The following SOX5 variants were observed in gnomAD, a reference collection of about 807,000 sequenced individuals.
SOX5 encodes SRY-box transcription factor 5.
SOX5 carries 9 observed loss-of-function variants against 92.0 expected under a neutral mutation model. The observed-to-expected ratio is 0.10, with a 90% CI of 0.06 to 0.17. The LOEUF (loss-of-function observed/expected upper bound fraction) is 0.17. Among genes scored for constraint, SOX5 ranks in the 10% least tolerant of loss-of-function variants. The pLI is 1.00. For missense variants in SOX5, 642 were observed against 944.5 expected (o/e 0.68, Z 4.20); for synonymous variants, 344 against 336.3 (o/e 1.02, Z -0.25).
chr12:23,734,481 T>C (rs1313504066), intron 6 of SOX5, among the ~76,000 whole-genome samples: 1 of 152,144 alleles, frequency 6.6e-6, no homozygotes, highest in East Asian at 1.9e-4. Context: ...TTAGCTTGCT[T>C]AGATTGAAGC....
chr12:24,058,796 T>TATAAATAAATAA (rs71059969), intron 4 of SOX5, among the ~76,000 whole-genome samples: 2 of 151,196 alleles, frequency 1.3e-5, no homozygotes, highest in South Asian at 2.1e-4. Flanking sequence ...TTAGTAAGTA[T>TATAAATAAATAA]ATAAATAAAT....
chr12:24,347,768 T>C (rs1014880012), intron 2 of SOX5, among the ~76,000 whole-genome samples: 4 of 152,228 alleles, frequency 2.6e-5, no homozygotes, highest in African/African-American at 9.6e-5. Flanking sequence ...TTAAACTATC[T>C]GTCATGAATT....
chr12:23,829,099 C>T (rs2096275196), intron 3 of SOX5, among the ~76,000 whole-genome samples: 1 of 151,928 alleles, frequency 6.6e-6, no homozygotes, highest in African/African-American at 2.4e-5. Flanking sequence ...CATGCCTTTC[C>T]CATAAACAAC....
rs1555289051 is a variant in SOX5 at position 24,429,650 on chromosome 12, A to AC, written c.-250-61012dup. Among the ~76,000 whole-genome samples the AC allele has an allele frequency of 2.0e-5, 3 of 151,530 alleles. No homozygotes were observed. In the East Asian group the frequency reaches 5.8e-4, roughly 29 times the overall value. ...TACACACACACACACACACACACAC[A>AC]CCCCATGAGCACAAAGCCCTCCAAC... On this transcript the variant is annotated intron_variant, in intron 1 of 4. Transcript: ENST00000446891.
At chr12:23,744,435 G>A (rs1275993181) in intron 4 of SOX5, among the ~76,000 whole-genome samples, 2 of 152,052 alleles carry the variant, frequency 1.3e-5, no homozygotes, top group African/African-American at 4.8e-5. Context: ...CATGGATAAA[G>A]TGAAACTCAC....
At chr12:23,631,601 T>C (rs2078549402) in intron 8 of SOX5, among the ~76,000 whole-genome samples, 1 of 152,088 alleles carries the variant, frequency 6.6e-6, no homozygotes. Flanking sequence ...TTGATTAAGA[T>C]AACACAGGAT....
intron 4 of SOX5, among the ~76,000 whole-genome samples, chr12:24,025,532 ACTCT>A (rs1021818642): frequency 7.3e-5 from 11 of 151,700 alleles, no homozygotes; most frequent in South Asian, 2.1e-4. Flanking sequence ...GAGAACAGTG[ACTCT>A]CTGTCTGGCC....
intron 3 of SOX5, among the ~76,000 whole-genome samples, chr12:24,229,942 T>C (rs1963016211): frequency 2.0e-5 from 3 of 152,216 alleles, no homozygotes; most frequent in African/African-American, 4.8e-5. Context: ...CATAAGGTTA[T>C]GTGGACAAAA....
At chr12:23,896,819 A>G (rs1363150860) in intron 1 of SOX5, among the ~76,000 whole-genome samples, 1 of 151,890 alleles carries the variant, frequency 6.6e-6, no homozygotes, top group African/African-American at 2.4e-5. Flanking sequence ...TATCCTTAGG[A>G]TACTTAAATA....
At chr12:24,135,926 C>A (rs779094422) in intron 4 of SOX5, among the ~76,000 whole-genome samples, 30 of 152,160 alleles carry the variant, frequency 2.0e-4, no homozygotes, top group Non-Finnish European at 3.5e-4. Context: ...GGATGTATTT[C>A]ATTTGGTAGA....
chr12:23,949,543 G>C (rs2096814211), intron 1 of SOX5, 21 bp downstream of exon 1: 1 of 1,613,078 alleles, frequency 6.2e-7, no homozygotes, highest in Non-Finnish European at 8.5e-7. Context: ...CAATATATTA[G>C]GGGGAAAAAA....
chr12:23,564,759 T>C (rs1195237729), intron 10 of SOX5, among the ~76,000 whole-genome samples: 2 of 152,250 alleles, frequency 1.3e-5, no homozygotes, highest in Non-Finnish European at 2.9e-5. Context: ...GTCTCAATTA[T>C]GAATGTTCTG....
intron 4 of SOX5, among the ~76,000 whole-genome samples, chr12:24,033,745 G>A (rs1048482904): frequency 6.6e-6 from 1 of 151,962 alleles, no homozygotes; most frequent in South Asian, 2.1e-4. Context: ...TCTGTAGGTA[G>A]AACAAATAAA....
intron 1 of SOX5, among the ~76,000 whole-genome samples, chr12:24,400,995 A>G (rs1369515974): frequency 6.6e-6 from 1 of 152,206 alleles, no homozygotes; most frequent in Non-Finnish European, 1.5e-5. Flanking sequence ...TGACAGAGAC[A>G]TTAACTTTGA....
intron 4 of SOX5, among the ~76,000 whole-genome samples, chr12:24,162,916 A>C (rs575561355): frequency 6.6e-6 from 1 of 152,264 alleles, no homozygotes; most frequent in Admixed American, 6.5e-5. Context: ...TGATGCCCTC[A>C]GCCTTCTTCA....
At chr12:24,542,276 A>C (rs1285415809) in intron 1 of SOX5, among the ~76,000 whole-genome samples, 1 of 152,026 alleles carries the variant, frequency 6.6e-6, no homozygotes, top group Non-Finnish European at 1.5e-5. Context: ...ATGCTTACTC[A>C]CCCACAACTT....
chr12:24,015,282 CA>C (rs1178439015), intron 4 of SOX5, among the ~76,000 whole-genome samples: 2 of 151,956 alleles, frequency 1.3e-5, no homozygotes, highest in South Asian at 2.1e-4. Context: ...GCTCTTTTCA[CA>C]AAAAAGCCAG....
intron 2 of SOX5, among the ~76,000 whole-genome samples, chr12:23,851,712 A>T (rs1338775316): frequency 6.6e-6 from 1 of 152,076 alleles, no homozygotes; most frequent in Non-Finnish European, 1.5e-5. Flanking sequence ...GGGCTATTTC[A>T]GTAGTTCACC....
At chr12:24,006,769 A>T (rs1398839044) in intron 4 of SOX5, among the ~76,000 whole-genome samples, 2 of 151,956 alleles carry the variant, frequency 1.3e-5, no homozygotes, top group Non-Finnish European at 2.9e-5. Context: ...TTAAAAAAAA[A>T]TCAGACAGAA....
Sources: allele counts gnomAD v4.1 joint callset (sites outside exome capture counted in the v4.1 genomes callset), GRCh38; gene constraint gnomAD v4.1.1; transcripts MANE v1.5; gene names NCBI Gene and HGNC (gene_info 2026-07-23, HGNC 2026-07-21).